Variants in SEC22A observed in about 807,000 individuals in gnomAD.
The protein encoded by SEC22A is vesicle-trafficking protein SEC22a.
Under a neutral mutation model 35.3 loss-of-function variants are expected in SEC22A, and 22 were observed. The observed-to-expected ratio is 0.62, with a 90% confidence interval of 0.45 to 0.89. SEC22A has a LOEUF of 0.89. Ranked by LOEUF, SEC22A falls within the 40% of genes least tolerant of loss-of-function variation. SEC22A has a pLI of 0.00. For missense variants in SEC22A, 354 were observed against 362.5 expected (o/e 0.98, Z 0.19); for synonymous variants, 119 against 129.5 (o/e 0.92, Z 0.55).
intron 2 of SEC22A, among the ~76,000 whole-genome samples, chr3:123,210,104 G>A (rs1936916036): frequency 6.6e-6 from 1 of 152,180 alleles, no homozygotes; most frequent in African/African-American, 2.4e-5. Context: ...AGTCTGTTTA[G>A]TCTAATGCAG....
At chr3:123,231,444 T>C (rs1011514182) in intron 4 of SEC22A, among the ~76,000 whole-genome samples, 2 of 152,180 alleles carry the variant, frequency 1.3e-5, no homozygotes, top group African/African-American at 4.8e-5. Flanking sequence ...AAAACCTTCA[T>C]AAATTTAAAA....
chr3:123,251,425 C>T (rs951154863), intron 5 of SEC22A, among the ~76,000 whole-genome samples: 8 of 152,130 alleles, frequency 5.3e-5, no homozygotes, highest in Non-Finnish European at 1.0e-4. Flanking sequence ...TTACCTGATC[C>T]AGGGAACTGT....
chr3:123,255,247 T>C (rs1041101859), intron 5 of SEC22A, among the ~76,000 whole-genome samples: 3 of 152,244 alleles, frequency 2.0e-5, no homozygotes, highest in African/African-American at 7.2e-5. Context: ...CATCCGTTCA[T>C]TTTTATGAAA....
intron 6 of SEC22A, among the ~76,000 whole-genome samples, chr3:123,264,164 C>T (rs949752829): frequency 6.6e-6 from 1 of 152,132 alleles, no homozygotes; most frequent in Non-Finnish European, 1.5e-5. Context: ...CCACCTCAGC[C>T]CCCACAAAGC....
At position 123,266,964 on chromosome 3, in the gene SEC22A, T is replaced by C. The variant is rs903782953; in HGVS notation, c.724-4558T>C. On this transcript the variant is annotated intron_variant, in intron 6 of 6. Coordinates refer to ENST00000492595, the MANE Select transcript of SEC22A (RefSeq NM_012430.5). Reference sequence around the variant, plus strand: ...TTCATACACATTTAGGATTGCTGTGTCTTCTTGTTGGGTGAGCCCATTTAT... The same window carrying C: ...TTCATACACATTTAGGATTGCTGTGCCTTCTTGTTGGGTGAGCCCATTTAT... Among the ~76,000 whole-genome samples the C allele has an allele frequency of 2.6e-5, 4 of 152,168 alleles. 1 individual carries two copies. The South Asian group carries it at 8.3e-4, about 31-fold the overall frequency.
intron 1 of SEC22A, chr3:123,208,961 A>G: frequency 2.8e-6 from 1 of 359,830 alleles, no homozygotes; most frequent in Non-Finnish European, 5.4e-6. Context: ...CGCCTGGCTA[A>G]TTTTTGTATT....
At chr3:123,235,037 A>AG (rs1165854412) in intron 4 of SEC22A, among the ~76,000 whole-genome samples, 4 of 147,900 alleles carry the variant, frequency 2.7e-5, no homozygotes, top group African/African-American at 1.0e-4. Context: ...AAAAAAAAAA[A>AG]TAGATAAGGT....
At chr3:123,224,177 C>A (rs1201641593) in intron 3 of SEC22A, among the ~76,000 whole-genome samples, 1 of 151,552 alleles carries the variant, frequency 6.6e-6, no homozygotes, top group Non-Finnish European at 1.5e-5. Flanking sequence ...TAAATGAGTG[C>A]AGTTATATTC....
At position 123,216,417 on chromosome 3, in the gene SEC22A, C is replaced by G. The variant is rs56985017; in HGVS notation, c.182+7018C>G. ...ATCCAAGTCTCTCATGGTGTAATTA[C>G]CATTGACTTCTTAAAATGATCTCAG... On this transcript the variant is annotated intron_variant, in intron 2 of 6. Transcript: ENST00000492595. Among the ~76,000 whole-genome samples the G allele has an allele frequency of 3.0e-3, 457 of 152,234 alleles. 1 individual carries two copies. Among genetic ancestry groups the G allele is most frequent in the African/African-American group, 0.011 (440 of 41,532 alleles).
chr3:123,245,327 A>T (rs1251731023), intron 4 of SEC22A, among the ~76,000 whole-genome samples: 4 of 152,210 alleles, frequency 2.6e-5, no homozygotes, highest in African/African-American at 9.7e-5. Context: ...GGTTTTTTCT[A>T]AATGATTTAC....
intron 4 of SEC22A, among the ~76,000 whole-genome samples, chr3:123,241,162 G>A (rs1049784097): frequency 2.6e-5 from 4 of 152,066 alleles, no homozygotes; most frequent in Non-Finnish European, 1.5e-5. Context: ...GAATGAGAAA[G>A]GGAAATACAA....
chr3:123,231,795 A>T (rs553055106), intron 4 of SEC22A, among the ~76,000 whole-genome samples: 2 of 152,316 alleles, frequency 1.3e-5, no homozygotes, highest in South Asian at 4.1e-4. Flanking sequence ...ACCTAAAGCA[A>T]ACAGAAGGAA....
At chr3:123,223,137 C>T (rs542710977) in intron 2 of SEC22A, among the ~76,000 whole-genome samples, 5 of 152,314 alleles carry the variant, frequency 3.3e-5, no homozygotes, top group South Asian at 4.1e-4. Context: ...AAATTGTGTG[C>T]AATCTTCTGT....
intron 2 of SEC22A, among the ~76,000 whole-genome samples, chr3:123,210,565 C>G (rs192861853): frequency 6.6e-6 from 1 of 152,238 alleles, no homozygotes; most frequent in East Asian, 1.9e-4. Flanking sequence ...ATATATGAGT[C>G]TGAAGCTTAG....
At chr3:123,240,484 T>C (rs1394187769) in intron 4 of SEC22A, among the ~76,000 whole-genome samples, 1 of 152,248 alleles carries the variant, frequency 6.6e-6, no homozygotes, top group Non-Finnish European at 1.5e-5. Flanking sequence ...TTCCTTTTTA[T>C]TCCTGAGCGG....
At chr3:123,258,955 C>A (rs1937812506) in intron 5 of SEC22A, among the ~76,000 whole-genome samples, 1 of 151,968 alleles carries the variant, frequency 6.6e-6, no homozygotes, top group African/African-American at 2.4e-5. Context: ...CTCTGTTTTT[C>A]CTCTGGGTGG....
intron 5 of SEC22A, among the ~76,000 whole-genome samples, chr3:123,249,644 C>A (rs1486043513): frequency 6.6e-6 from 1 of 152,142 alleles, no homozygotes; most frequent in Non-Finnish European, 1.5e-5. Context: ...CCTGCCTCAG[C>A]CTCCTGAGTA....
chr3:123,263,210 T>C (rs1351703522), intron 6 of SEC22A, among the ~76,000 whole-genome samples: 1 of 152,240 alleles, frequency 6.6e-6, no homozygotes, highest in Middle Eastern at 3.2e-3. Flanking sequence ...TACCATAGAT[T>C]GGGTGGCTTA....
chr3:123,208,940 G>A lies in SEC22A; in HGVS notation c.-19-259G>A, dbSNP rs1487441387. 1.4e-5 allele frequency: 5 copies of A among 348,548 alleles called. No homozygotes were observed. The Admixed American group carries it at 2.0e-4, about 14-fold the overall frequency. 21.6% of individuals were successfully genotyped at this position (348,548 alleles called of 1,614,324 possible). On this transcript the variant is annotated intron_variant, in intron 1 of 6. Coordinates refer to ENST00000492595, the MANE Select transcript of SEC22A (RefSeq NM_012430.5). Reference sequence around the variant, plus strand: ...CTCCTGAGTAGCTGGGATTACAGGTGTGCACCACCACGCCTGGCTAATTTT... The same window carrying A: ...CTCCTGAGTAGCTGGGATTACAGGTATGCACCACCACGCCTGGCTAATTTT...
Sources: allele counts gnomAD v4.1 joint callset (sites outside exome capture counted in the v4.1 genomes callset), GRCh38; gene constraint gnomAD v4.1.1; transcripts MANE v1.5; gene names NCBI Gene and HGNC (gene_info 2026-07-23, HGNC 2026-07-21).